Variants in KIAA1328 observed in about 807,000 individuals in gnomAD.
The protein encoded by KIAA1328 is KIAA1328.
In KIAA1328, 52 loss-of-function variants were observed where a neutral mutation model predicts 68.1. The observed-to-expected ratio is 0.76, with a 90% CI of 0.61 to 0.96. KIAA1328 has a LOEUF of 0.96. Ranked by LOEUF, KIAA1328 falls within the 40% of genes least tolerant of loss-of-function variation. The pLI is 0.00. For synonymous variants in KIAA1328, 232 were observed against 239.4 expected (o/e 0.97, Z 0.28); for missense variants, 641 against 677.6 (o/e 0.95, Z 0.60).
Position 37,069,426 on chromosome 18 carries a change from A to G in KIAA1328, c.1232+1881A>G, listed in dbSNP as rs530809845. Among the ~76,000 whole-genome samples the G allele has an allele frequency of 7.9e-5, 12 of 152,074 alleles. No homozygotes were observed. In the South Asian group the frequency reaches 8.3e-4, roughly 11 times the overall value. The stretch of plus-strand genomic sequence containing the variant: ...AGGCGTGAGCCACTGCATCTGGCCT[A>G]TTTACATTAGTTTTGATGAGGGATA... On this transcript the variant is annotated intron_variant, in intron 7 of 9. Transcript: ENST00000280020.
chr18:37,117,326 A>C (rs571738150), intron 7 of KIAA1328, among the ~76,000 whole-genome samples: 1 of 152,372 alleles, frequency 6.6e-6, no homozygotes, highest in East Asian at 1.9e-4. Context: ...AAAAAGGATG[A>C]GTTCATGTCA....
At chr18:37,020,177 G>A (rs191394750) in intron 6 of KIAA1328, among the ~76,000 whole-genome samples, 11 of 152,178 alleles carry the variant, frequency 7.2e-5, no homozygotes, top group Admixed American at 7.2e-4. Flanking sequence ...AGGCTGGAGT[G>A]CAATGGTGCT....
At chr18:37,111,601 A>G (rs1003092323) in intron 7 of KIAA1328, among the ~76,000 whole-genome samples, 5 of 152,370 alleles carry the variant, frequency 3.3e-5, no homozygotes, top group African/African-American at 1.2e-4. Flanking sequence ...TACAGCTCCC[A>G]GTGTGAGCAA....
intron 1 of KIAA1328, 189 bp downstream of exon 1, chr18:36,829,385 G>A (rs772412334): frequency 1.5e-6 from 2 of 1,372,062 alleles, no homozygotes; most frequent in Admixed American, 7.3e-5. Context: ...CGAGAGACTG[G>A]TACTGTCTGC....
intron 7 of KIAA1328, among the ~76,000 whole-genome samples, chr18:37,154,035 C>T (rs1377949971): frequency 1.3e-5 from 2 of 152,036 alleles, no homozygotes; most frequent in South Asian, 2.1e-4. Flanking sequence ...TTAGAGAATC[C>T]GTGTTTCCTA....
In KIAA1328 at chr18:37,086,975, G is replaced by T. The variant is rs377344539; in HGVS notation, c.1232+19430G>T. 7.9e-5 allele frequency among the ~76,000 whole-genome samples: 12 copies of T among 152,210 alleles called. No individual in the cohort carries two copies. In the East Asian group the frequency reaches 1.7e-3, roughly 22 times the overall value. ...TTTGCTAATGTATTGTCTCTTTTGA[G>T]AACTCATCTTACTGAGATGTTGACT... On this transcript the variant is annotated intron_variant, in intron 7 of 9. Coordinates refer to ENST00000280020, the MANE Select transcript of KIAA1328 (RefSeq NM_020776.3).
chr18:37,102,550 C>G (rs1404434361), intron 7 of KIAA1328, among the ~76,000 whole-genome samples: 2 of 152,222 alleles, frequency 1.3e-5, no homozygotes, highest in Admixed American at 1.3e-4. Context: ...TAAAAACCCT[C>G]AACAAATTAA....
chr18:37,014,973 G>A (rs1435736785), intron 6 of KIAA1328, among the ~76,000 whole-genome samples: 3 of 152,098 alleles, frequency 2.0e-5, no homozygotes, highest in Non-Finnish European at 2.9e-5. Context: ...CACGATCTCG[G>A]CTCACTGCAA....
At chr18:36,853,605 T>C (rs1264261988) in intron 4 of KIAA1328, among the ~76,000 whole-genome samples, 1 of 152,178 alleles carries the variant, frequency 6.6e-6, no homozygotes, top group African/African-American at 2.4e-5. Flanking sequence ...TCTTCTATCC[T>C]ATGTTGTTAT....
chr18:36,857,030 A>C (rs1244602488), intron 4 of KIAA1328, among the ~76,000 whole-genome samples: 1 of 152,132 alleles, frequency 6.6e-6, no homozygotes, highest in African/African-American at 2.4e-5. Flanking sequence ...CTCTAATCTG[A>C]TGTATTCCTT....
intron 7 of KIAA1328, among the ~76,000 whole-genome samples, chr18:37,091,468 C>T (rs978626134): frequency 1.3e-5 from 2 of 152,184 alleles, no homozygotes; most frequent in African/African-American, 4.8e-5. Context: ...TGGACTCCTG[C>T]AATTCTAGCT....
chr18:36,843,649 C>T (rs967349363), intron 3 of KIAA1328, among the ~76,000 whole-genome samples: 1 of 152,102 alleles, frequency 6.6e-6, no homozygotes, highest in African/African-American at 2.4e-5. Context: ...GGAATAGTAA[C>T]TATTAATACT....
At chr18:37,069,503 C>T (rs889511858) in intron 7 of KIAA1328, among the ~76,000 whole-genome samples, 14 of 151,996 alleles carry the variant, frequency 9.2e-5, no homozygotes, top group Admixed American at 2.0e-4. Flanking sequence ...TGTCTTGTTT[C>T]GGTATCAAGG....
At chr18:37,100,636 T>C (rs1255604631) in intron 7 of KIAA1328, among the ~76,000 whole-genome samples, 4 of 152,286 alleles carry the variant, frequency 2.6e-5, no homozygotes, top group Admixed American at 1.3e-4. Flanking sequence ...CCTCTGCAGA[T>C]TTAAATGTCC....
At chr18:37,086,615 G>A (rs538054818) in intron 7 of KIAA1328, among the ~76,000 whole-genome samples, 1 of 152,296 alleles carries the variant, frequency 6.6e-6, no homozygotes, top group African/African-American at 2.4e-5. Context: ...TGCAGAGGCA[G>A]TAATCTTTTT....
chr18:37,156,519 A>ATGTT lies in KIAA1328; in HGVS notation c.1233-3675_1233-3672dup, dbSNP rs534363294. Among the ~76,000 whole-genome samples the ATGTT allele has an allele frequency of 7.2e-4, 110 of 151,928 alleles. 1 individual carries two copies. The highest frequency in any genetic ancestry group is 1.4e-3 in the Non-Finnish European group (93 of 67,976). On this transcript the variant is annotated intron_variant, in intron 7 of 9. Transcript: ENST00000280020. ...CTAGCATAAAATAAGTCCTCTGTAAATGTTTGTTTTCCATTTTGCCCAGCC... is the reference window on the plus strand; with the variant it reads ...CTAGCATAAAATAAGTCCTCTGTAAATGTTTGTTTGTTTTCCATTTTGCCCAGCC...
At chr18:36,997,042 A>G (rs1006732426) in intron 6 of KIAA1328, among the ~76,000 whole-genome samples, 1 of 152,102 alleles carries the variant, frequency 6.6e-6, no homozygotes, top group African/African-American at 2.4e-5. Flanking sequence ...TTGACTTTCT[A>G]GTATGAAACT....
intron 5 of KIAA1328, among the ~76,000 whole-genome samples, chr18:36,936,270 T>C (rs1395275501): frequency 6.6e-6 from 1 of 152,118 alleles, no homozygotes; most frequent in East Asian, 1.9e-4. Context: ...CTAAGTTCCC[T>C]CCCTTCACCA....
At chr18:37,089,616 G>A (rs954886230) in intron 7 of KIAA1328, among the ~76,000 whole-genome samples, 3 of 152,046 alleles carry the variant, frequency 2.0e-5, no homozygotes, top group African/African-American at 7.2e-5. Context: ...CTCAGGTGAT[G>A]CACCTGCCTT....
Sources: gnomAD v4.1 joint callset for allele counts (sites outside exome capture counted in the v4.1 genomes callset) on GRCh38, gnomAD v4.1.1 for gene constraint, MANE v1.5 for transcripts, NCBI Gene and HGNC (gene_info 2026-07-23, HGNC 2026-07-21) for gene names.